FMN1: variants seen among roughly 807,000 people sequenced by gnomAD.
FMN1 encodes formin-1.
FMN1 carries 110 observed loss-of-function variants against 132.4 expected under a neutral mutation model. The ratio of observed to expected loss-of-function variants is 0.83; its 90% confidence interval spans 0.71 to 0.97. The LOEUF is 0.97. FMN1 is among the 50% of genes least tolerant of loss of function. The probability of loss-of-function intolerance (pLI) is 0.00; values close to 1 mark genes in which losing one functional copy is unlikely to be tolerated. For synonymous variants in FMN1, 722 were observed against 651.7 expected (o/e 1.11, Z -1.64); for missense variants, 1,792 against 1,705.3 (o/e 1.05, Z -0.90).
chr15:33,120,539 G>A (rs999240751), intron 4 of FMN1, among the ~76,000 whole-genome samples: 10 of 152,140 alleles, frequency 6.6e-5, no homozygotes, highest in African/African-American at 2.4e-4. Flanking sequence ...AAAACCTCAT[G>A]TCGCCAACCC....
intron 9 of FMN1, among the ~76,000 whole-genome samples, chr15:32,940,207 A>G (rs1484564937): frequency 6.6e-6 from 1 of 152,136 alleles, no homozygotes; most frequent in Non-Finnish European, 1.5e-5. Flanking sequence ...CCAGCTGTGG[A>G]ATGGGATCAA....
At chr15:33,116,874 G>A (rs1353855887) in intron 4 of FMN1, among the ~76,000 whole-genome samples, 1 of 152,080 alleles carries the variant, frequency 6.6e-6, no homozygotes, top group Non-Finnish European at 1.5e-5. Context: ...GAGATCTTTC[G>A]AAAGTTTGTT....
chr15:32,775,161 T>A (rs2056376114), intron 20 of FMN1, among the ~76,000 whole-genome samples: 1 of 152,176 alleles, frequency 6.6e-6, no homozygotes, highest in Non-Finnish European at 1.5e-5. Context: ...TTATGAGCTA[T>A]GAGATATGAT....
intron 10 of FMN1, 99 bp from the exon 11 acceptor site, chr15:32,910,634 T>C (rs754966147): frequency 1.5e-5 from 13 of 886,588 alleles, no homozygotes; most frequent in East Asian, 5.3e-5. Flanking sequence ...TAACAGAGTA[T>C]TGCGTTTTCT....
chr15:32,797,864 A>G (rs543187063), intron 19 of FMN1, among the ~76,000 whole-genome samples: 47 of 152,308 alleles, frequency 3.1e-4, no homozygotes, highest in Admixed American at 2.4e-3. Flanking sequence ...TATTATGTAT[A>G]TATCTTTTCT....
intron 4 of FMN1, among the ~76,000 whole-genome samples, chr15:33,116,138 C>T (rs888629254): frequency 1.3e-5 from 2 of 152,252 alleles, no homozygotes; most frequent in South Asian, 2.1e-4. Context: ...CTATGGTTTT[C>T]CTTAGCCTTA....
At chr15:32,935,271 T>C (rs370153716) in intron 9 of FMN1, among the ~76,000 whole-genome samples, 1 of 152,206 alleles carries the variant, frequency 6.6e-6, no homozygotes, top group Non-Finnish European at 1.5e-5. Context: ...TTTTCTTTCA[T>C]TGCTTTGAAT....
Position 32,800,418 on chromosome 15 carries a change from C to T in FMN1, c.3981-1465G>A, listed in dbSNP as rs79477635. On this transcript the variant is annotated intron_variant, in intron 18 of 20. Coordinates refer to ENST00000616417, the MANE Select transcript of FMN1 (RefSeq NM_001277313.2). ...GGGAAGGGAAGAATGTGGCAATGTC[C>T]ACTCTTGCCCCAGACATAACCCTTA... 4.8e-3 allele frequency among the ~76,000 whole-genome samples: 735 copies of T among 152,270 alleles called. 32 individuals carry two copies. In the East Asian group the frequency reaches 0.11, roughly 22 times the overall value.
chr15:33,001,610 G>A (rs1292901819), intron 7 of FMN1, among the ~76,000 whole-genome samples: 1 of 80,914 alleles, frequency 1.2e-5, no homozygotes, highest in African/African-American at 4.9e-5. Flanking sequence ...CCTCCTCCTC[G>A]AGTTTAGAGT....
chr15:33,039,971 C>A (rs1010585719), intron 6 of FMN1, among the ~76,000 whole-genome samples: 2 of 152,136 alleles, frequency 1.3e-5, no homozygotes, highest in Non-Finnish European at 2.9e-5. Context: ...CAGTGTTATT[C>A]CCTTGCCTAA....
At chr15:33,026,638 ATC>A (rs1485710091) in intron 6 of FMN1, among the ~76,000 whole-genome samples, 1 of 152,200 alleles carries the variant, frequency 6.6e-6, no homozygotes, top group Admixed American at 6.5e-5. Context: ...TGGTAGAAGA[ATC>A]TCTGTCCTTA....
At chr15:32,912,747 A>G (rs1403004940) in intron 10 of FMN1, among the ~76,000 whole-genome samples, 2 of 152,144 alleles carry the variant, frequency 1.3e-5, no homozygotes, top group Non-Finnish European at 2.9e-5. Context: ...ATAGAAAAAA[A>G]AAAATCAAGG....
intron 9 of FMN1, among the ~76,000 whole-genome samples, chr15:32,937,380 A>C (rs2061300355): frequency 6.6e-6 from 1 of 152,336 alleles, no homozygotes; most frequent in East Asian, 1.9e-4. Context: ...AGTGAGTGCC[A>C]TGAATTTTCC....
chr15:32,855,290 T>C (rs1478665582), intron 17 of FMN1, among the ~76,000 whole-genome samples: 1 of 152,022 alleles, frequency 6.6e-6, no homozygotes, highest in African/African-American at 2.4e-5. Flanking sequence ...TAAGTGATTC[T>C]AGTATGCAAG....
At chr15:32,973,584 CA>C (rs1555508122) in intron 7 of FMN1, among the ~76,000 whole-genome samples, 6 of 151,098 alleles carry the variant, frequency 4.0e-5, no homozygotes, top group Admixed American at 1.3e-4. Context: ...TCACCCCCCC[CA>C]AAAAAACACT....
intron 9 of FMN1, among the ~76,000 whole-genome samples, chr15:32,956,274 AAACATGG>A (rs1555504345): frequency 6.6e-6 from 1 of 152,230 alleles, no homozygotes; most frequent in Non-Finnish European, 1.5e-5. Flanking sequence ...CCAACAAGAG[AAACATGG>A]TTGAACTCCA....
intron 16 of FMN1, among the ~76,000 whole-genome samples, chr15:32,876,158 T>C (rs558307606): frequency 3.3e-5 from 5 of 152,380 alleles, no homozygotes; most frequent in East Asian, 1.9e-4. Context: ...CTTCCAGCTA[T>C]CGAGCAGAAT....
intron 5 of FMN1, among the ~76,000 whole-genome samples, chr15:33,079,342 C>T (rs1232903699): frequency 6.6e-6 from 1 of 152,212 alleles, no homozygotes; most frequent in Non-Finnish European, 1.5e-5. Context: ...AAAGCTGAGG[C>T]TGGGCACAGT....
chr15:33,019,457 G>A (rs1196993951), intron 6 of FMN1, among the ~76,000 whole-genome samples: 1 of 152,254 alleles, frequency 6.6e-6, no homozygotes, highest in African/African-American at 2.4e-5. Flanking sequence ...CGCAGGTGGA[G>A]CTGCCTGCCA....
Sources: allele counts gnomAD v4.1 joint callset (sites outside exome capture counted in the v4.1 genomes callset), GRCh38; gene constraint gnomAD v4.1.1; transcripts MANE v1.5; gene names NCBI Gene and HGNC (gene_info 2026-07-23, HGNC 2026-07-21).